The following ITGAM variants were observed in gnomAD, a reference collection of about 807,000 sequenced individuals.
ITGAM encodes the protein integrin alpha-M.
In ITGAM, 79 loss-of-function variants were observed where a neutral mutation model predicts 137.5. That is an observed-to-expected ratio of 0.57 (90% CI 0.48 to 0.69). ITGAM has a LOEUF of 0.69. Ranked by LOEUF, ITGAM falls within the 30% of genes least tolerant of loss-of-function variation. The pLI is 0.00. For missense variants in ITGAM, 1,343 were observed against 1,483.5 expected (o/e 0.91, Z 1.56); for synonymous variants, 583 against 592.3 (o/e 0.98, Z 0.23).
chr16:31,299,378 C>T (rs766976355), intron 14 of ITGAM, among the ~76,000 whole-genome samples: 2 of 152,086 alleles, frequency 1.3e-5, no homozygotes, highest in African/African-American at 4.8e-5. Context: ...GGCACAATCT[C>T]GGCTCACTGC....
rs548034720 is a variant in ITGAM at position 31,324,505 on chromosome 16, G to A, written c.2109G>A (p.Gln703=). 1.6e-5 allele frequency: 25 copies of A among 1,603,666 alleles called. 1 individual carries two copies. The highest frequency in any genetic ancestry group is 1.3e-4 in the African/African-American group (10 of 74,744). The change falls in exon 17 of 30, where the codon CAG becomes CAA. Residue 703 remains glutamine (Q), a synonymous_variant. Transcript: ENST00000544665. The surrounding 1 kb of genome is among the most constrained non-coding windows in gnomAD (Gnocchi z 4.5). Reference sequence around the variant, plus strand: ...AGAACAGCACACGCAGACAGACACAGGTCTTGGGGCTGACCCAGACTTGTG... The same window carrying A: ...AGAACAGCACACGCAGACAGACACAAGTCTTGGGGCTGACCCAGACTTGTG... The part of the protein sequence containing the change: ...ETKNSTRRQT[Q]VLGLTQTCET...
intron 3 of ITGAM, 65 bp downstream of exon 3, chr16:31,265,563 C>A: frequency 1.8e-6 from 2 of 1,090,732 alleles, no homozygotes; most frequent in South Asian, 1.5e-5. Context: ...ACTTTCCAGG[C>A]ACTCCTGTGT....
intron 12 of ITGAM, among the ~76,000 whole-genome samples, chr16:31,288,515 C>T (rs1249043901): frequency 6.6e-6 from 1 of 152,092 alleles, no homozygotes; most frequent in Non-Finnish European, 1.5e-5. Flanking sequence ...GGAAAGGATT[C>T]CCTATTTAAT....
At chr16:31,322,264 C>T (rs1194199217) in intron 16 of ITGAM, among the ~76,000 whole-genome samples, 1 of 152,080 alleles carries the variant, frequency 6.6e-6, no homozygotes, top group Non-Finnish European at 1.5e-5. Context: ...TGAGGCCAGC[C>T]TGGGCAACAT....
rs2080594089 is a variant in ITGAM, at chr16:31,331,993, G to C, written c.*286G>C. The C allele has an allele frequency of 4.1e-6, 2 of 482,630 alleles. No individual in the cohort carries two copies. Among genetic ancestry groups the C allele is most frequent in the South Asian group, 2.7e-5 (1 of 36,834 alleles). 29.9% of individuals were successfully genotyped at this position (482,630 alleles called of 1,614,324 possible). On this transcript the variant is annotated 3_prime_UTR_variant, in exon 30 of 30. Coordinates refer to ENST00000544665, the MANE Select transcript of ITGAM (RefSeq NM_000632.4). ...TGTGTGTGCGTGTGTCCATGTGTGTGCAAGTGTGTGCATGTGTGCGAGTGT... is the reference window on the plus strand; with the variant it reads ...TGTGTGTGCGTGTGTCCATGTGTGTCCAAGTGTGTGCATGTGTGCGAGTGT...
At chr16:31,296,080 C>T (rs1402989552) in intron 12 of ITGAM, among the ~76,000 whole-genome samples, 2 of 150,432 alleles carry the variant, frequency 1.3e-5, no homozygotes, top group Non-Finnish European at 3.0e-5. Flanking sequence ...ATAAATCACA[C>T]TTGATCATGG....
intron 7 of ITGAM, among the ~76,000 whole-genome samples, 158 bp downstream of exon 7, chr16:31,272,150 T>C (rs2079848274): frequency 6.6e-6 from 1 of 150,792 alleles, no homozygotes; most frequent in South Asian, 2.1e-4. Flanking sequence ...AAAGGACAAG[T>C]TGTGAGTGAA....
chr16:31,260,548 T>C (rs2079687486), intron 1 of ITGAM, among the ~76,000 whole-genome samples: 1 of 152,370 alleles, frequency 6.6e-6, no homozygotes, highest in Non-Finnish European at 1.5e-5. Flanking sequence ...TATGCTTATA[T>C]GTTGTGGAAA....
intron 7 of ITGAM, 69 bp from the exon 8 acceptor site, chr16:31,273,296 T>TA: frequency 7.6e-7 from 1 of 1,308,266 alleles, no homozygotes; most frequent in Non-Finnish European, 1.1e-6. Flanking sequence ...TGTCTATTTC[T>TA]TAAAAAAAAA....
chr16:31,297,601 T>G lies in ITGAM; in HGVS notation c.1444T>G (p.Tyr482Asp), dbSNP rs2080147786. 1.2e-6 allele frequency: 2 copies of G among 1,612,886 alleles called. No individual in the cohort carries two copies. The highest frequency in any genetic ancestry group is 1.7e-6 in the Non-Finnish European group (2 of 1,179,872). Reference sequence around the variant, plus strand: ...CCTGGTCCTCATCGGGGCCCCCCATTACTACGAGCAGACCCGAGGGGGCCA... The same window carrying G: ...CCTGGTCCTCATCGGGGCCCCCCATGACTACGAGCAGACCCGAGGGGGCCA... Reference protein sequence around the residue: ...TDLVLIGAPHYYEQTRGGQVS... With the variant: ...TDLVLIGAPHDYEQTRGGQVS... The change falls in exon 13 of 30, where the codon TAC becomes GAC. Residue 482 changes from tyrosine to aspartate, a missense_variant. Physicochemically the swap from Tyr to Asp is radical, Grantham distance 160. Coordinates refer to ENST00000544665, the MANE Select transcript of ITGAM (RefSeq NM_000632.4).
intron 12 of ITGAM, among the ~76,000 whole-genome samples, chr16:31,296,106 C>CT (rs768920728): frequency 0.02 from 2,606 of 131,014 alleles, 40 homozygotes; most frequent in African/African-American, 0.033. Context: ...ATCTTTTTAT[C>CT]TTTTTTTTTT....
At chr16:31,284,341 C>T (rs1354165388) in intron 12 of ITGAM, among the ~76,000 whole-genome samples, 1 of 152,210 alleles carries the variant, frequency 6.6e-6, no homozygotes, top group Non-Finnish European at 1.5e-5. Context: ...TCTACAGAGG[C>T]AGGCAGGCTT....
chr16:31,295,701 C>A (rs188253280), intron 12 of ITGAM, among the ~76,000 whole-genome samples: 1 of 151,322 alleles, frequency 6.6e-6, no homozygotes, highest in African/African-American at 2.4e-5. Flanking sequence ...TGATTTGGGT[C>A]TCTTTCATTT....
Position 31,324,263 on chromosome 16 carries a change from G to A in ITGAM, c.2003-136G>A. 1.7e-6 allele frequency: 1 copy of A among 605,718 alleles called. No homozygotes were observed. Among genetic ancestry groups the A allele is most frequent in the South Asian group, 2.4e-5 (1 of 42,436 alleles). 37.5% of individuals were successfully genotyped at this position (605,718 alleles called of 1,614,324 possible). On this transcript the variant is annotated intron_variant, in intron 16 of 29. Coordinates refer to ENST00000544665, the MANE Select transcript of ITGAM (RefSeq NM_000632.4). This position sits in a 1 kb window ranked among gnomAD's most constrained non-coding sequence, Gnocchi z 4.5. ...AAAGAAAGAAAAAGGAAGGAAGGAA[G>A]GAAAGAAGACTCAGAGAAGTCAGAT...
intron 1 of ITGAM, among the ~76,000 whole-genome samples, 168 bp downstream of exon 1, chr16:31,260,260 C>T (rs1468331995): frequency 6.6e-6 from 1 of 152,152 alleles, no homozygotes; most frequent in East Asian, 1.9e-4. Flanking sequence ...TAGACCCAGA[C>T]AGGCTGGCCA....
At position 31,324,428 on chromosome 16, in the gene ITGAM, C is replaced by T. The variant is rs372413087; in HGVS notation, c.2032C>T (p.Leu678=). 4 of 1,553,062 alleles carry T rather than the reference C, an allele frequency of 2.6e-6. No homozygotes were observed. In the Admixed American group the frequency reaches 5.9e-5, roughly 23 times the overall value. The part of the protein sequence containing the change: ...GQIQSVVTYD[L]ALDSGRPHSR... Reference sequence around the variant, plus strand: ...GATCCAGAGTGTTGTGACTTATGACCTGGCTCTGGACTCCGGCCGCCCACA... The same window carrying T: ...GATCCAGAGTGTTGTGACTTATGACTTGGCTCTGGACTCCGGCCGCCCACA... The change falls in exon 17 of 30, where the codon CTG becomes TTG. Residue 678 remains leucine (L), a synonymous_variant. Coordinates refer to ENST00000544665, the MANE Select transcript of ITGAM (RefSeq NM_000632.4). The surrounding 1 kb of genome is among the most constrained non-coding windows in gnomAD (Gnocchi z 4.5).
intron 11 of ITGAM, among the ~76,000 whole-genome samples, chr16:31,277,376 G>A (rs1406999296): frequency 7.4e-6 from 1 of 135,854 alleles, no homozygotes; most frequent in Non-Finnish European, 1.5e-5. Flanking sequence ...TTTTTTTTTC[G>A]AAATGGGGTT....
intron 16 of ITGAM, among the ~76,000 whole-genome samples, chr16:31,323,357 C>T (rs1174112027): frequency 2.7e-5 from 4 of 147,982 alleles, no homozygotes; most frequent in Non-Finnish European, 4.4e-5. Flanking sequence ...ACCTGGGAGG[C>T]GGATGTTGCA....
chr16:31,284,964 G>A lies in ITGAM; in HGVS notation c.1356+6855G>A, dbSNP rs561142335. On this transcript the variant is annotated intron_variant, in intron 12 of 29. Coordinates refer to ENST00000544665, the MANE Select transcript of ITGAM (RefSeq NM_000632.4). ...CTGCATACAAAACCCCTCAGACACC[G>A]AGTTAAAGAAGGAAGGGCTTTATTC... Among the ~76,000 whole-genome samples the A allele has an allele frequency of 1.1e-4, 16 of 152,104 alleles. No homozygotes were observed. In the South Asian group the frequency reaches 2.1e-3, roughly 20 times the overall value.
Sources: allele counts gnomAD v4.1 joint callset (sites outside exome capture counted in the v4.1 genomes callset), GRCh38; gene constraint gnomAD v4.1.1; non-coding constraint Gnocchi (gnomAD v3.1); transcripts MANE v1.5; gene names NCBI Gene and HGNC (gene_info 2026-07-23, HGNC 2026-07-21).